The following PHKA2 variants were observed in gnomAD, a reference collection of about 807,000 sequenced individuals.
The protein encoded by PHKA2 is phosphorylase kinase regulatory subunit alpha 2.
Under a neutral mutation model 102.0 loss-of-function variants are expected in PHKA2, and 31 were observed. That is an observed-to-expected ratio of 0.30 (90% CI 0.23 to 0.41). The LOEUF is 0.41. Ranked by LOEUF, PHKA2 falls within the 10% of genes least tolerant of loss-of-function variation. The pLI, the probability that PHKA2 is intolerant of heterozygous loss-of-function variation, is 1.00. For synonymous variants in PHKA2, 455 were observed against 416.2 expected, an observed-to-expected ratio of 1.09 and a Z score of -1.13; for missense variants, 858 against 1,023.1, an observed-to-expected ratio of 0.84 and a Z score of 2.20.
intron 5 of PHKA2, among the ~76,000 whole-genome samples, chrX:18,946,541 C>T (rs1056974151): frequency 6.3e-5 from 7 of 111,208 alleles, no homozygotes; most frequent in African/African-American, 2.3e-4. Context: ...CACCCACAAG[C>T]TGAGAGTGGA....
intron 8 of PHKA2, 42 bp downstream of exon 8, chrX:18,941,487 C>T (rs780160526): frequency 4.1e-5 from 48 of 1,165,042 alleles, no homozygotes; most frequent in East Asian, 5.9e-5. Flanking sequence ...GCTCCATGCA[C>T]ATCACACAGG....
chrX:18,916,137 G>A (rs935750555), intron 19 of PHKA2, among the ~76,000 whole-genome samples: 8 of 112,046 alleles, frequency 7.1e-5, no homozygotes, highest in African/African-American at 2.3e-4. Flanking sequence ...AGAATGAGCC[G>A]GGCACGGTGG....
At position 18,892,490 on chromosome X, in the gene PHKA2, G is replaced by A. The variant is rs1378699596; in HGVS notation, c.*995C>T. On this transcript the variant is annotated 3_prime_UTR_variant, in exon 33 of 33. Coordinates refer to ENST00000379942, the MANE Select transcript of PHKA2 (RefSeq NM_000292.3). The stretch of plus-strand genomic sequence containing the variant: ...GGTGCCTCCAACTGCACCCACCCAA[G>A]AGAGTGAAGACCAAAGTGCTTCTAC... The A allele has an allele frequency of 8.9e-6, 1 of 112,383 alleles. No individual in the cohort carries two copies. Among genetic ancestry groups the A allele is most frequent in the Middle Eastern group, 4.2e-3 (1 of 237 alleles). The allele number at this position is 112,383 out of a possible 1,213,427, so 9.3% of individuals were successfully genotyped here.
Position 18,948,802 on chromosome X carries a change from T to C in PHKA2, c.479A>G (p.Asp160Gly). The change falls in exon 5 of 33, where the codon GAT becomes GGT. Residue 160 changes from aspartate to glycine, a missense_variant. Around this residue, in one of 2 missense-constraint regions of PHKA2, gnomAD observed 187 missense variants for 277.9 expected, o/e 0.67. Coordinates refer to ENST00000379942, the MANE Select transcript of PHKA2 (RefSeq NM_000292.3). The stretch of plus-strand genomic sequence containing the variant: ...AAGATTCTGTATGAAGGCCACCTCA[T>C]CGAGAGTGAAAATGATACGTAAGCC... ...ASGLRIIFTL[D>G]EVAFIQNLVF... is the part of the protein sequence containing the mutation. 8.4e-7 allele frequency: 1 copy of C among 1,193,377 alleles called. No homozygotes were observed. Among genetic ancestry groups the C allele is most frequent in the Non-Finnish European group, 1.1e-6 (1 of 879,886 alleles).
intron 17 of PHKA2, among the ~76,000 whole-genome samples, chrX:18,921,779 A>G (rs2048127069): frequency 9.0e-6 from 1 of 111,145 alleles, no homozygotes; most frequent in East Asian, 2.8e-4. Flanking sequence ...GAGCTGCTGC[A>G]CCTATTCCTC....
rs922664761 is a variant in PHKA2, at chrX:18,929,102, G to A, written c.1324+126C>T. The A allele has an allele frequency of 5.9e-6, 3 of 511,336 alleles. No homozygotes were observed. The Admixed American group carries it at 9.0e-5, about 15-fold the overall frequency. The allele number at this position is 511,336 out of a possible 1,213,427, so 42.1% of individuals were successfully genotyped here. Reference sequence around the variant, plus strand: ...GTTATATAAGGCATCTCACACAACTGCTACATGCTAAAGCATAGGCACATA... The same window carrying A: ...GTTATATAAGGCATCTCACACAACTACTACATGCTAAAGCATAGGCACATA... On this transcript the variant is annotated intron_variant, in intron 13 of 32. Transcript: ENST00000379942.
At position 18,893,616 on chromosome X, in the gene PHKA2, C is replaced by T; in HGVS notation, c.3577G>A (p.Ala1193Thr). The T allele has an allele frequency of 8.3e-7, 1 of 1,211,851 alleles. No individual in the cohort carries two copies. Among genetic ancestry groups the T allele is most frequent in the Admixed American group, 2.2e-5 (1 of 46,115 alleles). ...TAAAAGAAGTGGCAGATTCCTGTGG[C>T]TTGGTCTTTCTCCAGGGTGTCCATG... ...GAMDTLEKDQ[A>T]TGICHFFYDS... The change falls in exon 33 of 33, where the codon GCC becomes ACC. Residue 1193 changes from alanine (A) to threonine (T), a missense_variant. Ala to Thr is a moderately conservative substitution (Grantham distance 58). This residue lies in a region of PHKA2 where 671 missense variants were observed against 745.2 expected (regional missense o/e 0.90). Transcript: ENST00000379942.
intron 30 of PHKA2, 98 bp from the exon 31 acceptor site, chrX:18,895,289 C>G: frequency 1.3e-6 from 1 of 791,033 alleles, no homozygotes; most frequent in Non-Finnish European, 1.9e-6. Flanking sequence ...ACCCTCTGCC[C>G]TGGAAACCCA....
chrX:18,933,949 A>C (rs2048352933), intron 11 of PHKA2, among the ~76,000 whole-genome samples: 1 of 112,340 alleles, frequency 8.9e-6, no homozygotes. Context: ...AACACCTGGC[A>C]TTTACTATAG....
At chrX:18,924,650 A>G (rs1042571043) in intron 15 of PHKA2, 125 bp from the exon 16 acceptor site, 13 of 654,451 alleles carry the variant, frequency 2.0e-5, no homozygotes, top group Non-Finnish European at 3.2e-5. Flanking sequence ...ACTCGTTTCA[A>G]TCCACCCAGT....
rs201363911 is a variant in PHKA2 at position 18,897,124 on chromosome X, G to C, written c.3282+39C>G. On this transcript the variant is annotated intron_variant, in intron 30 of 32. Coordinates refer to ENST00000379942, the MANE Select transcript of PHKA2 (RefSeq NM_000292.3). ...ACCATGCCTTGCCAGGACAGTAAGG[G>C]GACGGTTCACTTCCCCAGGAGCTCG... The C allele has an allele frequency of 3.7e-5, 44 of 1,197,314 alleles. No homozygotes were observed. In the African/African-American group the frequency reaches 6.5e-4, roughly 18 times the overall value.
Position 18,906,615 on chromosome X carries a change from C to T in PHKA2, c.2686G>A (p.Val896Ile). The change falls in exon 25 of 33, where the codon GTT becomes ATT. Residue 896 changes from valine to isoleucine, a missense_variant. Physicochemically the swap from Val to Ile is conservative, Grantham distance 29 (BLOSUM62 3). Coordinates refer to ENST00000379942, the MANE Select transcript of PHKA2 (RefSeq NM_000292.3). Reference protein sequence around the residue: ...SIAVLTQEIVVYLAMYVRAQP... With the variant: ...SIAVLTQEIVIYLAMYVRAQP... ...GCCCTGACATACATGGCCAGGTAAA[C>T]CACAATCTCCTGAGGCAGACACACA... The T allele has an allele frequency of 8.3e-7, 1 of 1,201,485 alleles. No individual in the cohort carries two copies. Among genetic ancestry groups the T allele is most frequent in the Non-Finnish European group, 1.1e-6 (1 of 885,812 alleles).
intron 8 of PHKA2, 68 bp from the exon 9 acceptor site, chrX:18,940,116 T>C (rs1208146902): frequency 2.9e-6 from 2 of 681,293 alleles, no homozygotes; most frequent in Non-Finnish European, 4.8e-6. Context: ...AAGTCAGCCC[T>C]GCACCCTCTT....
At chrX:18,897,370 C>CA in intron 29 of PHKA2, 37 bp from the exon 30 acceptor site, 1 of 1,177,404 alleles carries the variant, frequency 8.5e-7, no homozygotes, top group African/African-American at 1.7e-5. Context: ...AGAAGCCACG[C>CA]AGCAGGTGCC....
intron 26 of PHKA2, among the ~76,000 whole-genome samples, chrX:18,903,186 C>T (rs999797315): frequency 1.8e-5 from 2 of 112,472 alleles, no homozygotes; most frequent in African/African-American, 3.2e-5. Context: ...GTACTTGTAT[C>T]GTGAATGTCT....
chrX:18,914,594 C>G (rs1411053180), intron 19 of PHKA2, among the ~76,000 whole-genome samples: 1 of 111,793 alleles, frequency 8.9e-6, no homozygotes. Flanking sequence ...TCCGCTTCAA[C>G]TACACCCAGC....
intron 11 of PHKA2, among the ~76,000 whole-genome samples, chrX:18,933,143 G>A (rs1325068721): frequency 9.1e-6 from 1 of 110,414 alleles, no homozygotes; most frequent in African/African-American, 3.3e-5. Flanking sequence ...CAGAGATGTA[G>A]AATGAGAAAT....
At chrX:18,895,394 G>T (rs2047526319) in intron 30 of PHKA2, 1 of 463,586 alleles carries the variant, frequency 2.2e-6, no homozygotes, top group East Asian at 3.8e-5. Context: ...CAATTCTAGG[G>T]AACCCAGCAG....
Position 18,938,631 on chromosome X carries a change from ACAG to A in PHKA2, c.1034_1036del (p.Ala345del), listed in dbSNP as rs777145421. 3 of 1,205,511 alleles carry A rather than the reference ACAG, an allele frequency of 2.5e-6. No individual in the cohort carries two copies. The highest frequency in any genetic ancestry group is 3.4e-6 in the Non-Finnish European group (3 of 889,472). ...TAACACCCAGCATTTTCTCACCTGAACAGCATCACCACTGAAGACTCCATCTAT... is the reference window on the plus strand; with the variant it reads ...TAACACCCAGCATTTTCTCACCTGAACATCACCACTGAAGACTCCATCTAT... On this transcript the variant is annotated inframe_deletion, in exon 10 of 33. Coordinates refer to ENST00000379942, the MANE Select transcript of PHKA2 (RefSeq NM_000292.3).
Sources: allele counts gnomAD v4.1 joint callset (sites outside exome capture counted in the v4.1 genomes callset), GRCh38; gene constraint gnomAD v4.1.1; regional missense constraint gnomAD v4.1.1; transcripts MANE v1.5; gene names NCBI Gene and HGNC (gene_info 2026-07-23, HGNC 2026-07-21).